Variants in LCA5 observed in about 807,000 individuals in gnomAD.
The protein encoded by LCA5 is lebercilin LCA5.
In LCA5, 37 loss-of-function variants were observed where a neutral mutation model predicts 53.0. The ratio of observed to expected loss-of-function variants is 0.70; its 90% CI spans 0.54 to 0.92. LCA5 has a LOEUF of 0.92. Among genes scored for constraint, LCA5 ranks in the 40% least tolerant of loss-of-function variants. The pLI is 0.00. For synonymous variants in LCA5, 303 were observed against 282.9 expected, an observed-to-expected ratio of 1.07 and a Z score of -0.71; for missense variants, 806 against 790.5, an observed-to-expected ratio of 1.02 and a Z score of -0.23.
chr6:79,490,858 A>T (rs763053402), intron 6 of LCA5, among the ~76,000 whole-genome samples: 7 of 152,016 alleles, frequency 4.6e-5, no homozygotes, highest in Non-Finnish European at 7.4e-5. Flanking sequence ...TAAGTTGTAA[A>T]CACTAAAGAT....
At chr6:79,516,216 T>C (rs1264747384) in intron 2 of LCA5, among the ~76,000 whole-genome samples, 2 of 151,930 alleles carry the variant, frequency 1.3e-5, no homozygotes, top group African/African-American at 2.4e-5. Flanking sequence ...GCAGCATTAG[T>C]TGAGAATATA....
At chr6:79,538,302 A>T (rs908480491), upstream of LCA5, among the ~76,000 whole-genome samples, 10 of 151,970 alleles carry the variant, frequency 6.6e-5, no homozygotes, top group African/African-American at 2.2e-4. Flanking sequence ...TTTGAAGGCA[A>T]ATGCGTTTAA....
At chr6:79,505,361 A>G (rs761049793) in intron 3 of LCA5, among the ~76,000 whole-genome samples, 15 of 152,190 alleles carry the variant, frequency 9.9e-5, no homozygotes, top group Non-Finnish European at 2.1e-4. Context: ...CTCAATGAAT[A>G]TTTTATCTTC....
intron 7 of LCA5, chr6:79,488,122 G>T: frequency 2.3e-6 from 1 of 431,912 alleles, no homozygotes; most frequent in Non-Finnish European, 4.1e-6. Flanking sequence ...AAGGTTCTTT[G>T]CCTATTTTTT....
At chr6:79,502,290 C>T (rs535945091) in intron 3 of LCA5, among the ~76,000 whole-genome samples, 1 of 152,312 alleles carries the variant, frequency 6.6e-6, no homozygotes, top group South Asian at 2.1e-4. Context: ...CTATGTCTTA[C>T]TATTTCTTCA....
At chr6:79,515,117 C>T (rs577842347) in intron 2 of LCA5, among the ~76,000 whole-genome samples, 39 of 152,180 alleles carry the variant, frequency 2.6e-4, no homozygotes, top group African/African-American at 7.0e-4. Context: ...TATTATACAG[C>T]GAGATTTGTG....
chr6:79,522,223 A>G (rs1766645402), intron 1 of LCA5, among the ~76,000 whole-genome samples: 1 of 152,174 alleles, frequency 6.6e-6, no homozygotes, highest in Admixed American at 6.5e-5. Context: ...CAAATAAAAA[A>G]TAAAATATTA....
At chr6:79,503,448 C>G (rs529911457) in intron 3 of LCA5, among the ~76,000 whole-genome samples, 1 of 152,022 alleles carries the variant, frequency 6.6e-6, no homozygotes, top group Non-Finnish European at 1.5e-5. Context: ...AGTTTCAAAC[C>G]TTTTTTAAAA....
intron 1 of LCA5, among the ~76,000 whole-genome samples, chr6:79,526,201 T>C (rs1306557684): frequency 2.0e-5 from 3 of 152,188 alleles, no homozygotes; most frequent in Admixed American, 6.5e-5. Context: ...GTGGAAGCCT[T>C]TCCCCTTCCC....
intron 3 of LCA5, among the ~76,000 whole-genome samples, chr6:79,503,989 T>G (rs543980797): frequency 2.0e-5 from 3 of 152,304 alleles, no homozygotes; most frequent in African/African-American, 7.2e-5. Flanking sequence ...TAAAGATGCT[T>G]TCATAAAAAT....
At chr6:79,508,572 G>T (rs1306185185) in intron 3 of LCA5, among the ~76,000 whole-genome samples, 1 of 133,536 alleles carries the variant, frequency 7.5e-6, no homozygotes, top group Non-Finnish European at 1.5e-5. Flanking sequence ...AATAAACAAA[G>T]CTGCTTGCCA....
In LCA5 at chr6:79,489,299, T is replaced by C. The variant is rs201728732; in HGVS notation, c.1099-83A>G. The C allele has an allele frequency of 3.4e-4, 456 of 1,359,222 alleles. 1 individual carries two copies. The highest frequency in any genetic ancestry group is 4.5e-4 in the Non-Finnish European group (436 of 968,984). 84.2% of individuals were successfully genotyped at this position (1,359,222 alleles called of 1,614,324 possible). ...GCAACACAGATTTATCCATTAAACA[T>C]GATTACCAACTAAGTTAAAAATTAA... On this transcript the variant is annotated intron_variant, in intron 6 of 7. Transcript: ENST00000369846.
At chr6:79,536,764 C>A (rs1463893282) in intron 1 of LCA5, among the ~76,000 whole-genome samples, 1 of 152,184 alleles carries the variant, frequency 6.6e-6, no homozygotes, top group South Asian at 2.1e-4. Context: ...CCTCTCTAGT[C>A]TTGAGTCTCC....
chr6:79,524,826 CT>C (rs1003673071), intron 1 of LCA5, among the ~76,000 whole-genome samples: 2 of 152,096 alleles, frequency 1.3e-5, no homozygotes, highest in Non-Finnish European at 2.9e-5. Context: ...CTTTCTCCCC[CT>C]CTTCCTTTCA....
chr6:79,517,299 C>G (rs763771177), intron 2 of LCA5, among the ~76,000 whole-genome samples: 4 of 152,030 alleles, frequency 2.6e-5, no homozygotes, highest in South Asian at 4.1e-4. Flanking sequence ...TCTCAATTAC[C>G]TTCTCAAATA....
chr6:79,502,303 T>C (rs1484534566), intron 3 of LCA5, among the ~76,000 whole-genome samples: 1 of 152,216 alleles, frequency 6.6e-6, no homozygotes, highest in Non-Finnish European at 1.5e-5. Context: ...TTTCTTCATC[T>C]GCTTTGAGCA....
chr6:79,508,857 T>C (rs1387158523), intron 3 of LCA5, among the ~76,000 whole-genome samples: 1 of 152,144 alleles, frequency 6.6e-6, no homozygotes, highest in Non-Finnish European at 1.5e-5. Flanking sequence ...AAAGGATCAA[T>C]AGTGTTGGCT....
intron 6 of LCA5, among the ~76,000 whole-genome samples, chr6:79,490,718 A>T (rs1199976159): frequency 6.6e-6 from 1 of 152,134 alleles, no homozygotes; most frequent in African/African-American, 2.4e-5. Context: ...CACAGAAATC[A>T]AATCAGTTCA....
intron 3 of LCA5, among the ~76,000 whole-genome samples, chr6:79,502,961 A>T (rs1161803829): frequency 6.6e-6 from 1 of 151,896 alleles, no homozygotes; most frequent in African/African-American, 2.4e-5. Flanking sequence ...GCTCATTGCA[A>T]CCTCCACTTC....
Sources: allele counts gnomAD v4.1 joint callset (sites outside exome capture counted in the v4.1 genomes callset), GRCh38; gene constraint gnomAD v4.1.1; transcripts MANE v1.5; gene names NCBI Gene and HGNC (gene_info 2026-07-23, HGNC 2026-07-21).